Variants in TC2N observed in about 807,000 individuals in gnomAD.
The protein encoded by TC2N is tandem C2 domains, nuclear, also known as tandem C2 domains nuclear protein.
TC2N carries 51 observed loss-of-function variants against 61.9 expected under a neutral mutation model. That is an observed-to-expected ratio of 0.82 (90% CI 0.66 to 1.04). The LOEUF is 1.04. Ranked by LOEUF, TC2N falls within the 50% of genes least tolerant of loss-of-function variation. The pLI, the probability that TC2N is intolerant of heterozygous loss-of-function variation, is 0.00. For missense variants in TC2N, 556 were observed against 566.7 expected, an observed-to-expected ratio of 0.98 and a Z score of 0.19; for synonymous variants, 204 against 192.6, an observed-to-expected ratio of 1.06 and a Z score of -0.49.
intron 1 of TC2N, among the ~76,000 whole-genome samples, chr14:91,831,466 T>C (rs1887767152): frequency 6.6e-6 from 1 of 152,196 alleles, no homozygotes; most frequent in Non-Finnish European, 1.5e-5. Flanking sequence ...GGATAACTTG[T>C]TCTCTCAAGT....
intron 9 of TC2N, 34 bp from the exon 10 acceptor site, chr14:91,787,661 G>C: frequency 7.7e-7 from 1 of 1,294,812 alleles, no homozygotes; most frequent in Non-Finnish European, 1.1e-6. Context: ...TGGTAGTTAA[G>C]AATAAAGTTT....
chr14:91,795,438 T>C (rs1356730963), intron 8 of TC2N, among the ~76,000 whole-genome samples: 1 of 152,122 alleles, frequency 6.6e-6, no homozygotes. Context: ...TGTCTTATTT[T>C]AAGAAATTGC....
rs754323948 is a variant in TC2N at position 91,792,442 on chromosome 14, G to A, written c.972C>T (p.Cys324=). The change falls in exon 9 of 12, where the codon TGC becomes TGT. Residue 324 remains cysteine, a synonymous_variant. Coordinates refer to ENST00000435962, the MANE Select transcript of TC2N (RefSeq NM_001128596.3). ...TGCTAAGGGTTCTGAGTGACATTGA[G>A]CATTCTCCAATGGTTTTCTTCCTGG... ...QTPRKKTIGE[C]SMSLRTLSTQ... is the part of the protein sequence containing the mutation. 1.2e-6 allele frequency: 2 copies of A among 1,610,796 alleles called. No homozygotes were observed. Among genetic ancestry groups the A allele is most frequent in the South Asian group, 1.1e-5 (1 of 90,636 alleles).
chr14:91,853,428 G>A (rs908017693), intron 1 of TC2N, among the ~76,000 whole-genome samples: 3 of 152,102 alleles, frequency 2.0e-5, no homozygotes, highest in Non-Finnish European at 2.9e-5. Flanking sequence ...TGTTCACTGC[G>A]ATAATGGCAT....
intron 1 of TC2N, among the ~76,000 whole-genome samples, chr14:91,854,606 G>A (rs1595278312): frequency 6.6e-6 from 1 of 152,280 alleles, no homozygotes; most frequent in Middle Eastern, 3.4e-3. Flanking sequence ...GCTTTTTAAA[G>A]AAGAAAGACT....
At chr14:91,847,755 A>G (rs1888298794) in intron 1 of TC2N, among the ~76,000 whole-genome samples, 1 of 152,178 alleles carries the variant, frequency 6.6e-6, no homozygotes, top group Non-Finnish European at 1.5e-5. Context: ...TAACGATAAA[A>G]TGCTGTTGTT....
In TC2N at chr14:91,793,909, G is replaced by A. The variant is rs894048081; in HGVS notation, c.856-1351C>T. Among the ~76,000 whole-genome samples, 4 of 152,138 alleles carry A rather than the reference G, an allele frequency of 2.6e-5. No homozygotes were observed. In the East Asian group the frequency reaches 7.7e-4, roughly 29 times the overall value. Reference sequence around the variant, plus strand: ...TAGTGAGGAAGCTATGCTGAAAGCCGAGACAGACCAAAAGCTAGGCCTTTT... The same window carrying A: ...TAGTGAGGAAGCTATGCTGAAAGCCAAGACAGACCAAAAGCTAGGCCTTTT... On this transcript the variant is annotated intron_variant, in intron 8 of 11. Transcript: ENST00000435962.
In TC2N at chr14:91,798,330, G is replaced by A. The variant is rs1161177333; in HGVS notation, c.707C>T (p.Ser236Leu). 2 of 1,590,852 alleles carry A rather than the reference G, an allele frequency of 1.3e-6. No individual in the cohort carries two copies. The highest frequency in any genetic ancestry group is 1.7e-6 in the Non-Finnish European group (2 of 1,165,176). The change falls in exon 7 of 12, where the codon TCA (serine) becomes TTA (leucine). Residue 236 changes from serine (S) to leucine (L), a missense_variant. Transcript: ENST00000435962. ...AACTGTGATCCAGATCTGTTCTACT[G>A]AAGAATTATAAAACAATTTCACATT... ...RLNVKLFYNS[S>L]VEQIWITVLQ...
chr14:91,863,922 G>A (rs1888644287), intron 1 of TC2N, among the ~76,000 whole-genome samples: 1 of 151,834 alleles, frequency 6.6e-6, no homozygotes, highest in Non-Finnish European at 1.5e-5. Flanking sequence ...AGGACAGGAG[G>A]TCGAGGCTGC....
Position 91,826,315 on chromosome 14 carries a change from G to T in TC2N, c.-56-12490C>A, listed in dbSNP as rs573697326. Among the ~76,000 whole-genome samples, 832 of 42,904 alleles carry T rather than the reference G, an allele frequency of 0.019. 33 individuals carry two copies. The South Asian group carries it at 0.29, about 15-fold the overall frequency. The allele number at this position is 42,904 out of a possible 152,430, so 28.1% of individuals were successfully genotyped here. A position where few individuals can be genotyped will look rare whatever the true frequency, so the allele number is the denominator to read the frequency against. On this transcript the variant is annotated intron_variant, in intron 1 of 11. Transcript: ENST00000435962. ...AGCCTGGGTGACAGGGTGAGACCTT[G>T]TCTGAAAAAAAAAAAAAAAGCAGGA...
intron 5 of TC2N, 149 bp from the exon 6 acceptor site, chr14:91,799,213 GAAAAA>G (rs35831554): frequency 2.4e-4 from 96 of 393,606 alleles, no homozygotes; most frequent in Middle Eastern, 6.5e-4. Context: ...ACAGGTAGTG[GAAAAA>G]AAAAAAAAAA....
At chr14:91,863,935 T>C (rs997504759) in intron 1 of TC2N, among the ~76,000 whole-genome samples, 1 of 150,860 alleles carries the variant, frequency 6.6e-6, no homozygotes, top group Non-Finnish European at 1.5e-5. Flanking sequence ...GAGGCTGCAG[T>C]AAGCTATGAT....
chr14:91,800,517 T>C, intron 4 of TC2N, 145 bp from the exon 5 acceptor site: 1 of 431,266 alleles, frequency 2.3e-6, no homozygotes, highest in Non-Finnish European at 4.1e-6. Context: ...TAAAAATTTT[T>C]TAAACTTAAA....
chr14:91,808,732 A>G (rs1395258290), intron 3 of TC2N, among the ~76,000 whole-genome samples: 1 of 152,228 alleles, frequency 6.6e-6, no homozygotes, highest in East Asian at 1.9e-4. Flanking sequence ...TGTCAAGAAC[A>G]TAAGAAAAAC....
intron 1 of TC2N, among the ~76,000 whole-genome samples, chr14:91,856,486 C>CAA (rs3030738): frequency 1.7e-5 from 2 of 117,012 alleles, no homozygotes; most frequent in Non-Finnish European, 1.9e-5. Context: ...GACCTTGTCT[C>CAA]AAAAAAAAAA....
At chr14:91,820,452 C>T (rs561185273) in intron 1 of TC2N, among the ~76,000 whole-genome samples, 1 of 151,638 alleles carries the variant, frequency 6.6e-6, no homozygotes, top group South Asian at 2.1e-4. Context: ...AGAAGAGAAT[C>T]TTTCAACATA....
intron 1 of TC2N, among the ~76,000 whole-genome samples, chr14:91,857,770 C>G (rs907160251): frequency 2.0e-5 from 3 of 152,162 alleles, no homozygotes; most frequent in Non-Finnish European, 2.9e-5. Flanking sequence ...CAAAATTCCT[C>G]TAAAGAACCA....
rs905566109 is a variant in TC2N at position 91,782,099 on chromosome 14, T to C, written c.*1001A>G. 1 of 152,052 alleles carries C rather than the reference T, an allele frequency of 6.6e-6. No individual in the cohort carries two copies. The highest frequency in any genetic ancestry group is 2.4e-5 in the African/African-American group (1 of 41,436). The allele number at this position is 152,052 out of a possible 1,614,324, so 9.4% of individuals were successfully genotyped here. A position where few individuals can be genotyped will look rare whatever the true frequency, so the allele number is the denominator to read the frequency against. On this transcript the variant is annotated 3_prime_UTR_variant, in exon 12 of 12. Transcript: ENST00000435962. ...TTCTTTTTGGCCACAGTTCTTATGG[T>C]CAATTAAGCTGAAATTATTTCCAAA...
intron 1 of TC2N, among the ~76,000 whole-genome samples, chr14:91,815,244 G>A (rs1249304648): frequency 1.3e-5 from 2 of 151,392 alleles, no homozygotes; most frequent in African/African-American, 2.4e-5. Context: ...AAGAAAACAT[G>A]GCACCCCATA....
Sources: gnomAD v4.1 joint callset for allele counts (sites outside exome capture counted in the v4.1 genomes callset) on GRCh38, gnomAD v4.1.1 for gene constraint, MANE v1.5 for transcripts, NCBI Gene and HGNC (gene_info 2026-07-23, HGNC 2026-07-21) for gene names.